The following TNXB variants were observed in gnomAD, a reference collection of about 807,000 sequenced individuals.
TNXB encodes the protein tenascin XB.
Under a neutral mutation model 340.5 loss-of-function variants are expected in TNXB, and 183 were observed. That is an observed-to-expected ratio of 0.54 (90% CI 0.48 to 0.61). The LOEUF (loss-of-function observed/expected upper bound fraction) is 0.61. TNXB is among the 20% of genes least tolerant of loss of function. TNXB has a pLI of 0.00. For missense variants in TNXB, 4,613 were observed against 5,446.4 expected (o/e 0.85, Z 4.82); for synonymous variants, 2,121 against 2,314.5 (o/e 0.92, Z 2.40).
In TNXB at chr6:32,050,053, C is replaced by T. The variant is rs1447966156; in HGVS notation, c.9384G>A (p.Leu3128=). The T allele has an allele frequency of 3.7e-6, 6 of 1,613,812 alleles. No homozygotes were observed. The highest frequency in any genetic ancestry group is 5.1e-6 in the Non-Finnish European group (6 of 1,179,884). Residue 3128 remains leucine, a synonymous_variant, in exon 27 of 44, where the codon CTG becomes CTA. Transcript: ENST00000644971. The stretch of plus-strand genomic sequence containing the variant: ...CGCGCTGGCCACCGTGGAAGCCGTA[C>T]AGGTTCATCTTGTATTTATGGTCTG... The part of the protein sequence containing the change: ...LEPDHKYKMN[L]YGFHGGQRVG...
At position 32,052,991 on chromosome 6, in the gene TNXB, C is replaced by G; in HGVS notation, c.8794G>C (p.Ala2932Pro). Residue 2932 changes from alanine (A) to proline (P), a missense_variant and splice_region_variant, in exon 26 of 44, where the codon GCA becomes CCA. Ala to Pro is a conservative substitution (Grantham distance 27, BLOSUM62 -1). This residue lies in a region of TNXB where 4,327 missense variants were observed against 4,859.4 expected (regional missense o/e 0.89). Coordinates refer to ENST00000644971, the MANE Select transcript of TNXB (RefSeq NM_001365276.2). The surrounding 1 kb of genome is among the most constrained non-coding windows in gnomAD (Gnocchi z 4.7). The stretch of plus-strand genomic sequence containing the variant: ...GTGGGGGCGGGAGTTTCTTCCTCTG[C>G]AGCTGAGAAGAGGGGACAGAGAAGG... Reference protein sequence around the residue: ...GPISVIGVTAAEEETPAPTEP... With the variant: ...GPISVIGVTAPEEETPAPTEP... The G allele has an allele frequency of 6.2e-7, 1 of 1,610,286 alleles. No homozygotes were observed. Among genetic ancestry groups the G allele is most frequent in the Non-Finnish European group, 8.5e-7 (1 of 1,178,516 alleles).
rs1282601319 is a variant in TNXB at position 32,072,731 on chromosome 6, C to T, written c.4682-433G>A. Among the ~76,000 whole-genome samples, 1 of 152,182 alleles carries T rather than the reference C, an allele frequency of 6.6e-6. No homozygotes were observed. Among genetic ancestry groups the T allele is most frequent in the Non-Finnish European group, 1.5e-5 (1 of 68,044 alleles). On this transcript the variant is annotated intron_variant, in intron 12 of 43. Transcript: ENST00000644971. The surrounding 1 kb of genome is among the most constrained non-coding windows in gnomAD (Gnocchi z 4.4). ...ATGCCAGGCCGAGGCGGGTGGATCA[C>T]CTGAGGTCAGGAGTTTGAGGCCAGC...
chr6:32,067,916 G>T lies in TNXB; in HGVS notation c.6289C>A (p.Leu2097Ile). ...MEAPEPAEEP[L>I]LGELTVTGSS... ...CCTGTCACTGTTAGCTCCCCCAGGAGCGGCTCCTCAGCGGGCTCCGGGGCC... is the reference window on the plus strand; with the variant it reads ...CCTGTCACTGTTAGCTCCCCCAGGATCGGCTCCTCAGCGGGCTCCGGGGCC... Residue 2097 changes from leucine to isoleucine, a missense_variant, in exon 18 of 44, where the codon CTC (leucine) becomes ATC (isoleucine). By Grantham distance (5) the Leu-to-Ile change is conservative. Transcript: ENST00000644971. The surrounding 1 kb of genome is among the most constrained non-coding windows in gnomAD (Gnocchi z 4.2). The T allele has an allele frequency of 6.2e-7, 1 of 1,612,680 alleles. No individual in the cohort carries two copies. The highest frequency in any genetic ancestry group is 1.1e-5 in the South Asian group (1 of 91,060).
chr6:32,105,043 G>T (rs1246153609), intron 1 of TNXB, among the ~76,000 whole-genome samples: 2 of 151,904 alleles, frequency 1.3e-5, no homozygotes, highest in African/African-American at 4.8e-5. Context: ...AATTCTCTTA[G>T]AACACTGACA....
chr6:32,077,935 G>A (rs1339175126), intron 11 of TNXB, among the ~76,000 whole-genome samples: 1 of 151,984 alleles, frequency 6.6e-6, no homozygotes, highest in Non-Finnish European at 1.5e-5. Flanking sequence ...GCTGAGGCAG[G>A]AGAATCACTT....
chr6:32,065,168 A>G, intron 18 of TNXB, 51 bp from the exon 19 acceptor site: 1 of 1,466,092 alleles, frequency 6.8e-7, no homozygotes, highest in Non-Finnish European at 9.1e-7. Context: ...GGAGGTGTTG[A>G]GGCCCCAGCT....
rs767894911 is a variant in TNXB, at chr6:32,043,807, G to A, written c.11472C>T (p.Thr3824=). The part of the protein sequence containing the change: ...GLIPGARYEV[T]VVSVRGFEES... ...CCTCAAAGCCTCGGACCGAGACCAC[G>A]GTCACCTCATAGCGAGCGCCTGGGA... Residue 3824 remains threonine, a synonymous_variant, in exon 35 of 44, where the codon ACC becomes ACT. Transcript: ENST00000644971. 3.3e-5 allele frequency: 54 copies of A among 1,613,428 alleles called. No individual in the cohort carries two copies. Among genetic ancestry groups the A allele is most frequent in the African/African-American group, 5.3e-5 (4 of 74,886 alleles).
chr6:32,045,956 C>G, intron 31 of TNXB: 1 of 1,287,160 alleles, frequency 7.8e-7, no homozygotes, highest in Admixed American at 3.3e-5. Flanking sequence ...TTAGAGAGCC[C>G]CTCCCAGGGC....
rs1457595802 is a variant in TNXB, at chr6:32,097,128, G to A, written c.725C>T (p.Pro242Leu). ...AGGGCAGGAGCGCTGGCTGCAGTCG[G>A]GGCCTGAGAAGCCTGCCCGGCACAC... is the stretch of plus-strand genomic sequence containing the variant. ...VCVCRAGFSG[P>L]DCSQRSCPRG... The change falls in exon 3 of 44, where the codon CCC (proline) becomes CTC (leucine). Residue 242 changes from proline (P) to leucine (L), a missense_variant. Physicochemically the swap from Pro to Leu is moderately conservative, Grantham distance 98 (BLOSUM62 -3). This residue lies in a region of TNXB where 4,327 missense variants were observed against 4,859.4 expected (regional missense o/e 0.89). Transcript: ENST00000644971. The surrounding 1 kb of genome is among the most constrained non-coding windows in gnomAD (Gnocchi z 5.9). 1 of 1,608,104 alleles carries A rather than the reference G, an allele frequency of 6.2e-7. No homozygotes were observed. Among genetic ancestry groups the A allele is most frequent in the Non-Finnish European group, 8.5e-7 (1 of 1,177,690 alleles).
rs1326126524 is a variant in TNXB, at chr6:32,048,537, A to C, written c.9871T>G (p.Ser3291Ala). The change falls in exon 29 of 44, where the codon TCC (serine) becomes GCC (alanine). Residue 3291 changes from serine to alanine, a missense_variant. Transcript: ENST00000644971. The part of the protein sequence containing the change: ...SWTVAQGPFD[S>A]FLVQYRDAQG... ...GCGTCCCTGTACTGTACCAGGAAGG[A>C]GTCAAAGGGGCCCTGGGCCACCGTC... 2 of 1,589,934 alleles carry C rather than the reference A, an allele frequency of 1.3e-6. No individual in the cohort carries two copies. Among genetic ancestry groups the C allele is most frequent in the African/African-American group, 1.3e-5 (1 of 74,592 alleles).
chr6:32,055,656 G>A (rs971444658), intron 24 of TNXB, among the ~76,000 whole-genome samples, 195 bp downstream of exon 24: 2 of 152,218 alleles, frequency 1.3e-5, no homozygotes, highest in African/African-American at 2.4e-5. Context: ...AGCAGCATCC[G>A]CATCATTTCT....
intron 11 of TNXB, among the ~76,000 whole-genome samples, chr6:32,077,844 T>A (rs763377900): frequency 1.3e-5 from 2 of 151,658 alleles, no homozygotes; most frequent in Non-Finnish European, 2.9e-5. Context: ...CTGGCTGACA[T>A]GGTAAAACCC....
rs769774428 is a variant in TNXB, at chr6:32,097,144, C to A, written c.709G>T (p.Ala237Ser). 1.9e-6 allele frequency: 3 copies of A among 1,601,696 alleles called. No homozygotes were observed. In the Admixed American group the frequency reaches 5.2e-5, roughly 28 times the overall value. ...RCVQGVCVCR[A>S]GFSGPDCSQR... The stretch of plus-strand genomic sequence containing the variant: ...CTGCAGTCGGGGCCTGAGAAGCCTG[C>A]CCGGCACACACACACGCCCTGCACG... The change falls in exon 3 of 44, where the codon GCA becomes TCA. Residue 237 changes from alanine (A) to serine (S), a missense_variant. By Grantham distance (99) the Ala-to-Ser change is moderately conservative (BLOSUM62 1). Coordinates refer to ENST00000644971, the MANE Select transcript of TNXB (RefSeq NM_001365276.2). This position sits in a 1 kb window ranked among gnomAD's most constrained non-coding sequence, Gnocchi z 5.9.
At chr6:32,098,548 T>C (rs1407372406) in intron 1 of TNXB, among the ~76,000 whole-genome samples, 1 of 152,196 alleles carries the variant, frequency 6.6e-6, no homozygotes, top group Non-Finnish European at 1.5e-5. Context: ...TGGTGCGATC[T>C]CAGCTCACCA....
rs749217346 is a variant in TNXB at position 32,079,129 on chromosome 6, C to T, written c.4279G>A (p.Val1427Met). The change falls in exon 11 of 44, where the codon GTG (valine) becomes ATG (methionine). Residue 1427 changes from valine to methionine, a missense_variant. Around this residue, in one of 7 missense-constraint regions of TNXB, gnomAD observed 4,327 missense variants for 4,859.4 expected, o/e 0.89. Coordinates refer to ENST00000644971, the MANE Select transcript of TNXB (RefSeq NM_001365276.2). The surrounding 1 kb of genome is among the most constrained non-coding windows in gnomAD (Gnocchi z 7.1). The stretch of plus-strand genomic sequence containing the variant: ...TTGTGCCCGGGCTCTAGGCCTCCCA[C>T]GGTGACCTCACTCTCCTTGCCCCCA... ...RVGGKESEVT[V>M]GGLEPGHKYK... 8.8e-5 allele frequency: 142 copies of T among 1,613,732 alleles called. No homozygotes were observed. The South Asian group carries it at 1.1e-3, about 12-fold the overall frequency.
At position 32,108,429 on chromosome 6, in the gene TNXB, C is replaced by G. The variant is rs1781082498; in HGVS notation, c.-9+752G>C. Among the ~76,000 whole-genome samples the G allele has an allele frequency of 6.6e-6, 1 of 152,068 alleles. No individual in the cohort carries two copies. The highest frequency in any genetic ancestry group is 2.4e-5 in the African/African-American group (1 of 41,388). Reference sequence around the variant, plus strand: ...AGGCAAGGGGAGCCTGGAAGGGGCACAGAGTGAAGACGGAGCCCCTGTGCC... The same window carrying G: ...AGGCAAGGGGAGCCTGGAAGGGGCAGAGAGTGAAGACGGAGCCCCTGTGCC... On this transcript the variant is annotated intron_variant, in intron 1 of 43. Transcript: ENST00000644971. The surrounding 1 kb of genome is among the most constrained non-coding windows in gnomAD (Gnocchi z 4.8).
At chr6:32,088,076 TC>T (rs1779898033) in intron 6 of TNXB, among the ~76,000 whole-genome samples, 1 of 152,124 alleles carries the variant, frequency 6.6e-6, no homozygotes. Context: ...CCTCGATCCC[TC>T]CCACCAGAGC....
Position 32,084,708 on chromosome 6 carries a change from G to C in TNXB, c.3150C>G (p.Asp1050Glu). The C allele has an allele frequency of 6.4e-7, 1 of 1,559,464 alleles. No homozygotes were observed. Among genetic ancestry groups the C allele is most frequent in the African/African-American group, 1.4e-5 (1 of 73,788 alleles). ...ACTTCCCAGGCTTCTCCTCATCCTT[G>C]TCTGGAGTTTGAGAGGCAAAAGCAA... is the stretch of plus-strand genomic sequence containing the variant. Reference protein sequence around the residue: ...SDPIIYQGIMDKDEEKPGKSS... With the variant: ...SDPIIYQGIMEKDEEKPGKSS... The change falls in exon 8 of 44, where the codon GAC (aspartate) becomes GAG (glutamate). Residue 1050 changes from aspartate to glutamate, a missense_variant and splice_region_variant. By Grantham distance (45) the Asp-to-Glu change is conservative. This residue lies in a region of TNXB where 4,327 missense variants were observed against 4,859.4 expected (regional missense o/e 0.89). Transcript: ENST00000644971. The surrounding 1 kb of genome is among the most constrained non-coding windows in gnomAD (Gnocchi z 5.5).
In TNXB at chr6:32,048,481, G is replaced by A. The variant is rs973279601; in HGVS notation, c.9927C>T (p.Ser3309=). 25 of 1,600,764 alleles carry A rather than the reference G, an allele frequency of 1.6e-5. No homozygotes were observed. Among genetic ancestry groups the A allele is most frequent in the East Asian group, 2.2e-5 (1 of 44,718 alleles). ...AQGQPQAVPV[S]GDLRAVAVSG... is the part of the protein sequence containing the mutation. Reference sequence around the variant, plus strand: ...AGACGGCGACCGCTCGGAGGTCTCCGCTCACAGGCACTGCCTGGGGCTGCC... The same window carrying A: ...AGACGGCGACCGCTCGGAGGTCTCCACTCACAGGCACTGCCTGGGGCTGCC... The change falls in exon 29 of 44, where the codon AGC becomes AGT. Residue 3309 remains serine, a synonymous_variant. Coordinates refer to ENST00000644971, the MANE Select transcript of TNXB (RefSeq NM_001365276.2).
Sources: gnomAD v4.1 joint callset for allele counts (sites outside exome capture counted in the v4.1 genomes callset) on GRCh38, gnomAD v4.1.1 for gene constraint, gnomAD v4.1.1 regional missense constraint, Gnocchi (gnomAD v3.1) non-coding constraint, MANE v1.5 for transcripts, NCBI Gene and HGNC (gene_info 2026-07-23, HGNC 2026-07-21) for gene names.